C6: variants seen among roughly 807,000 people sequenced by gnomAD.
C6 encodes complement component C6.
C6 carries 101 observed loss-of-function variants against 112.9 expected under a neutral mutation model. The observed-to-expected ratio is 0.89, with a 90% CI of 0.76 to 1.06. C6 has a LOEUF of 1.06. Ranked by LOEUF, C6 falls within the 50% of genes least tolerant of loss-of-function variation. The probability of loss-of-function intolerance (pLI) is 0.00; values close to 1 mark genes in which losing one functional copy is unlikely to be tolerated. For synonymous variants in C6, 431 were observed against 384.1 expected (o/e 1.12, Z -1.43); for missense variants, 1,202 against 1,104.6 (o/e 1.09, Z -1.25).
intron 7 of C6, among the ~76,000 whole-genome samples, chr5:41,178,947 G>A (rs1371875639): frequency 1.3e-5 from 2 of 152,202 alleles, no homozygotes; most frequent in African/African-American, 2.4e-5. Flanking sequence ...TCCGCCTCCC[G>A]GGTTCAAGTG....
At chr5:41,260,162 G>A (rs1025149075) in intron 1 of C6, among the ~76,000 whole-genome samples, 3 of 151,554 alleles carry the variant, frequency 2.0e-5, no homozygotes, top group Non-Finnish European at 4.4e-5. Flanking sequence ...TTTGCTTTTC[G>A]TCCACTATAA....
At chr5:41,179,308 C>T (rs1035899020) in intron 7 of C6, among the ~76,000 whole-genome samples, 5 of 152,248 alleles carry the variant, frequency 3.3e-5, no homozygotes, top group Non-Finnish European at 5.9e-5. Context: ...GTTTTACAAA[C>T]GTTCTCTAGC....
intron 1 of C6, among the ~76,000 whole-genome samples, chr5:41,247,765 T>A (rs929315715): frequency 3.4e-5 from 5 of 147,054 alleles, no homozygotes; most frequent in Admixed American, 3.4e-4. Context: ...AAGTGAAAGA[T>A]CTCTACAAGG....
At chr5:41,197,370 A>C (rs11957341) in intron 4 of C6, among the ~76,000 whole-genome samples, 80,723 of 151,908 alleles carry the variant, frequency 0.53, 21,900 homozygotes, top group Non-Finnish European at 0.6. Context: ...TAAACAGTGC[A>C]TTTCTAGTTT....
At chr5:41,213,575 T>C (rs1752073449), upstream of C6, 2 of 985,034 alleles carry the variant, frequency 2.0e-6, no homozygotes, top group Admixed American at 1.2e-4. Flanking sequence ...TCTCTGGAAC[T>C]TGAACTTTGC....
intron 1 of C6, among the ~76,000 whole-genome samples, chr5:41,232,177 G>A (rs1739945396): frequency 6.6e-6 from 1 of 152,024 alleles, no homozygotes; most frequent in South Asian, 2.1e-4. Context: ...CAGGAATGAG[G>A]AAATATTTGA....
chr5:41,190,853 G>A (rs924196909), intron 5 of C6, among the ~76,000 whole-genome samples: 13 of 151,940 alleles, frequency 8.6e-5, no homozygotes, highest in Admixed American at 7.9e-4. Flanking sequence ...ATTAATTAAA[G>A]AGACTCTTGT....
At chr5:41,203,980 C>T (rs1751229689) in intron 1 of C6, among the ~76,000 whole-genome samples, 1 of 152,142 alleles carries the variant, frequency 6.6e-6, no homozygotes, top group Non-Finnish European at 1.5e-5. Context: ...CCACTCAGGC[C>T]ACAACAGGTT....
At chr5:41,249,484 A>AATC (rs1741216521) in intron 1 of C6, among the ~76,000 whole-genome samples, 1 of 152,178 alleles carries the variant, frequency 6.6e-6, no homozygotes, top group Admixed American at 6.5e-5. Flanking sequence ...TGATGTAGTA[A>AATC]ATCAACTTTA....
intron 9 of C6, among the ~76,000 whole-genome samples, chr5:41,166,966 C>T (rs903094290): frequency 6.6e-6 from 1 of 152,088 alleles, no homozygotes; most frequent in Non-Finnish European, 1.5e-5. Context: ...GAATCCAGTT[C>T]TCATTGCTTC....
chr5:41,184,086 C>T (rs1749575311), intron 6 of C6, among the ~76,000 whole-genome samples: 1 of 151,716 alleles, frequency 6.6e-6, no homozygotes, highest in Admixed American at 6.6e-5. Context: ...CACAATAAAG[C>T]CAGGTGACAA....
intron 1 of C6, among the ~76,000 whole-genome samples, chr5:41,205,588 C>T (rs1033215724): frequency 2.0e-5 from 3 of 152,332 alleles, no homozygotes; most frequent in East Asian, 1.9e-4. Context: ...GCACCTGGCT[C>T]GGAGAGTCCC....
intron 3 of C6, among the ~76,000 whole-genome samples, chr5:41,200,218 CTCT>C (rs913284172): frequency 1.3e-5 from 2 of 152,148 alleles, no homozygotes; most frequent in African/African-American, 2.4e-5. Flanking sequence ...TGCTGAGAGT[CTCT>C]TGAGTACAGT....
At chr5:41,257,383 G>A (rs112728916) in intron 1 of C6, among the ~76,000 whole-genome samples, 2 of 151,816 alleles carry the variant, frequency 1.3e-5, no homozygotes, top group African/African-American at 4.8e-5. Context: ...ACCTTTCCGT[G>A]GTATATGTAT....
In C6 at chr5:41,203,185, T is replaced by A; in HGVS notation, c.46A>T (p.Ile16Phe). The change falls in exon 2 of 18, where the codon ATC becomes TTC. Residue 16 changes from isoleucine to phenylalanine, a missense_variant. Ile to Phe is a conservative substitution (Grantham distance 21). Coordinates refer to ENST00000337836, the MANE Select transcript of C6 (RefSeq NM_000065.5). Reference sequence around the variant, plus strand: ...CAGAAGCAGGCTTGGCCCTTGTTGATCAGAGCATTCAGCAGGATGAAGTAC... The same window carrying A: ...CAGAAGCAGGCTTGGCCCTTGTTGAACAGAGCATTCAGCAGGATGAAGTAC... ...VLYFILLNAL[I>F]NKGQACFCDH... 1 of 1,614,092 alleles carries A rather than the reference T, an allele frequency of 6.2e-7. No homozygotes were observed. Among genetic ancestry groups the A allele is most frequent in the Non-Finnish European group, 8.5e-7 (1 of 1,179,964 alleles).
chr5:41,153,876 A>G lies in C6; in HGVS notation c.2224T>C (p.Ser742Pro). ...CPKGFVVAGP[S>P]RYTCQGNSWT... The stretch of plus-strand genomic sequence containing the variant: ...GAATTCCCCTGGCATGTGTACCTTG[A>G]TGGCCCAGCAACAACAAAGCCTTTG... The change falls in exon 15 of 18, where the codon TCA (serine) becomes CCA (proline). Residue 742 changes from serine to proline, a missense_variant. Ser to Pro is a moderately conservative substitution (Grantham distance 74, BLOSUM62 -1). Coordinates refer to ENST00000337836, the MANE Select transcript of C6 (RefSeq NM_000065.5). The G allele has an allele frequency of 1.2e-6, 2 of 1,613,824 alleles. No homozygotes were observed. Among genetic ancestry groups the G allele is most frequent in the Non-Finnish European group, 1.7e-6 (2 of 1,179,828 alleles).
rs142519688 is a variant in C6 at position 41,191,067 on chromosome 5, C to CTTTTTTTTTTT, written c.587+4714_587+4724dup. On this transcript the variant is annotated intron_variant, in intron 5 of 17. Transcript: ENST00000337836. ...AAATGTAGTAGTGTGATGCCTTTGG[C>CTTTTTTTTTTT]TTTTTTTTTTTTTTTTTTTTGCAGA... Among the ~76,000 whole-genome samples the CTTTTTTTTTTT allele has an allele frequency of 1.9e-4, 16 of 84,732 alleles. 1 individual carries two copies. Among genetic ancestry groups the CTTTTTTTTTTT allele is most frequent in the African/African-American group, 4.5e-4 (9 of 20,074 alleles). 55.6% of individuals were successfully genotyped at this position (84,732 alleles called of 152,430 possible). A position where few individuals can be genotyped will look rare whatever the true frequency, so the allele number is the denominator to read the frequency against.
intron 7 of C6, among the ~76,000 whole-genome samples, chr5:41,180,698 ACAT>A (rs1415401318): frequency 6.6e-6 from 1 of 152,126 alleles, no homozygotes; most frequent in Non-Finnish European, 1.5e-5. Flanking sequence ...CAATTGAATA[ACAT>A]CTACTATCAA....
At chr5:41,212,365 T>G (rs910381237) in intron 1 of C6, among the ~76,000 whole-genome samples, 4 of 152,224 alleles carry the variant, frequency 2.6e-5, no homozygotes, top group Non-Finnish European at 2.9e-5. Flanking sequence ...TTCACCATTT[T>G]GGTCAGGCTC....
Sources: allele counts gnomAD v4.1 joint callset (sites outside exome capture counted in the v4.1 genomes callset), GRCh38; gene constraint gnomAD v4.1.1; transcripts MANE v1.5; gene names NCBI Gene and HGNC (gene_info 2026-07-23, HGNC 2026-07-21).